GPC5: variants seen among roughly 807,000 people sequenced by gnomAD.
GPC5 encodes glypican-5.
Under a neutral mutation model 53.9 loss-of-function variants are expected in GPC5, and 47 were observed. The observed-to-expected ratio is 0.87, with a 90% CI of 0.69 to 1.11. The LOEUF is 1.11. Ranked by LOEUF, GPC5 falls within the 50% of genes most tolerant of loss-of-function variation. GPC5 has a pLI of 0.00. For synonymous variants in GPC5, 286 were observed against 263.3 expected (o/e 1.09, Z -0.84); for missense variants, 748 against 713.1 (o/e 1.05, Z -0.56).
intron 4 of GPC5, among the ~76,000 whole-genome samples, chr13:91,739,852 G>A (rs182749027): frequency 1.3e-5 from 2 of 151,568 alleles, no homozygotes; most frequent in East Asian, 3.9e-4. Flanking sequence ...GGATGAAACT[G>A]TGGGGAGTTA....
chr13:91,718,524 G>A (rs1021673678), intron 3 of GPC5, among the ~76,000 whole-genome samples: 2 of 152,008 alleles, frequency 1.3e-5, no homozygotes, highest in African/African-American at 4.8e-5. Flanking sequence ...TGATGAAGAA[G>A]AGTTTTGTAG....
chr13:92,644,159 G>A (rs777213852), intron 7 of GPC5, among the ~76,000 whole-genome samples: 1 of 152,154 alleles, frequency 6.6e-6, no homozygotes, highest in African/African-American at 2.4e-5. Flanking sequence ...CTCATCTAGT[G>A]TTTAAGAAGA....
intron 6 of GPC5, among the ~76,000 whole-genome samples, chr13:92,063,912 T>G (rs2041144077): frequency 6.6e-6 from 1 of 152,174 alleles, no homozygotes; most frequent in African/African-American, 2.4e-5. Flanking sequence ...ACCTGAAAGT[T>G]TTTAATGTTT....
intron 7 of GPC5, among the ~76,000 whole-genome samples, chr13:92,695,463 C>T (rs1887531137): frequency 6.6e-6 from 1 of 152,106 alleles, no homozygotes; most frequent in Non-Finnish European, 1.5e-5. Flanking sequence ...GTGATAACAG[C>T]ATCTCCAAAA....
intron 2 of GPC5, among the ~76,000 whole-genome samples, chr13:91,488,534 A>G (rs1566443678): frequency 6.6e-6 from 1 of 152,278 alleles, no homozygotes; most frequent in East Asian, 1.9e-4. Context: ...ATAATTTCTT[A>G]TGCCTGTCAT....
At chr13:92,278,043 C>T (rs142053429) in intron 7 of GPC5, among the ~76,000 whole-genome samples, 1 of 151,786 alleles carries the variant, frequency 6.6e-6, no homozygotes, top group African/African-American at 2.4e-5. Flanking sequence ...CTATTACTCT[C>T]TGGAGTTAAC....
chr13:92,833,558 G>C (rs547103863), intron 7 of GPC5, among the ~76,000 whole-genome samples: 2 of 152,128 alleles, frequency 1.3e-5, no homozygotes, highest in South Asian at 4.2e-4. Flanking sequence ...GTGAAATATG[G>C]CAATAAAAAG....
At chr13:92,694,192 GA>G (rs1338433798) in intron 7 of GPC5, among the ~76,000 whole-genome samples, 1 of 152,228 alleles carries the variant, frequency 6.6e-6, no homozygotes, top group East Asian at 1.9e-4. Context: ...GTCTGCTGCA[GA>G]GGCAGGGCCC....
intron 6 of GPC5, among the ~76,000 whole-genome samples, chr13:92,112,970 C>A (rs1185736630): frequency 1.3e-5 from 2 of 151,952 alleles, no homozygotes; most frequent in East Asian, 1.9e-4. Context: ...CTTTCACAAC[C>A]AAAATATTAA....
At chr13:91,711,283 G>A (rs2036220034) in intron 3 of GPC5, among the ~76,000 whole-genome samples, 1 of 152,054 alleles carries the variant, frequency 6.6e-6, no homozygotes, top group African/African-American at 2.4e-5. Context: ...CTAAAAAAAA[G>A]GATGAGTTCA....
At chr13:91,965,050 A>C (rs1225994225) in intron 6 of GPC5, among the ~76,000 whole-genome samples, 1 of 114,882 alleles carries the variant, frequency 8.7e-6, no homozygotes, top group Non-Finnish European at 1.6e-5. Context: ...ACTTAGACAC[A>C]GGGTGGGGAA....
chr13:92,117,067 T>C (rs1457767374), intron 6 of GPC5, among the ~76,000 whole-genome samples: 2 of 152,208 alleles, frequency 1.3e-5, no homozygotes, highest in East Asian at 3.8e-4. Flanking sequence ...TTTTAACAGA[T>C]TGCTGTTTTT....
At chr13:91,561,156 A>G (rs1371371937) in intron 2 of GPC5, among the ~76,000 whole-genome samples, 1 of 152,130 alleles carries the variant, frequency 6.6e-6, no homozygotes, top group Non-Finnish European at 1.5e-5. Flanking sequence ...ATCTTACTTC[A>G]TTTCTTACTT....
At chr13:91,517,315 T>C (rs1885557664) in intron 2 of GPC5, among the ~76,000 whole-genome samples, 1 of 152,212 alleles carries the variant, frequency 6.6e-6, no homozygotes, top group South Asian at 2.1e-4. Flanking sequence ...CAGAAATTTC[T>C]TCCACCACGC....
intron 3 of GPC5, among the ~76,000 whole-genome samples, chr13:91,724,632 T>G (rs770349106): frequency 1.3e-5 from 2 of 152,014 alleles, no homozygotes; most frequent in Non-Finnish European, 2.9e-5. Context: ...GAGGATCACT[T>G]GAGGCCAGGG....
At chr13:91,410,826 G>A (rs1455225558) in intron 1 of GPC5, among the ~76,000 whole-genome samples, 1 of 152,024 alleles carries the variant, frequency 6.6e-6, no homozygotes, top group Non-Finnish European at 1.5e-5. Flanking sequence ...CATAGACAAG[G>A]TTTAAGAACT....
At chr13:91,505,220 C>G (rs1420001683) in intron 2 of GPC5, among the ~76,000 whole-genome samples, 3 of 151,974 alleles carry the variant, frequency 2.0e-5, no homozygotes, top group African/African-American at 4.8e-5. Context: ...TAACCTTGCT[C>G]TAATAGATAC....
intron 5 of GPC5, among the ~76,000 whole-genome samples, chr13:91,793,446 C>T (rs563370805): frequency 6.6e-6 from 1 of 152,112 alleles, no homozygotes; most frequent in Non-Finnish European, 1.5e-5. Flanking sequence ...ACATGTAGCT[C>T]TTTCCAAAGA....
intron 7 of GPC5, chr13:92,719,863 G>A (rs1888455863): frequency 6.6e-6 from 1 of 152,098 alleles, no homozygotes; most frequent in Non-Finnish European, 1.5e-5. Context: ...TATAAATAAA[G>A]CTATAGATTA....
Sources: gnomAD v4.1 joint callset for allele counts (sites outside exome capture counted in the v4.1 genomes callset) on GRCh38, gnomAD v4.1.1 for gene constraint, MANE v1.5 for transcripts, NCBI Gene and HGNC (gene_info 2026-07-23, HGNC 2026-07-21) for gene names.